Variants in CASQ2 observed in about 807,000 individuals in gnomAD.
CASQ2 encodes calsequestrin 2.
A neutral mutation model predicts 46.5 loss-of-function variants in CASQ2; 49 were observed. The observed-to-expected ratio is 1.05, with a 90% CI of 0.84 to 1.34. The LOEUF is 1.34. Ranked by LOEUF, CASQ2 falls within the 40% of genes most tolerant of loss-of-function variation. The pLI is 0.00. For missense variants in CASQ2, 486 were observed against 481.3 expected (o/e 1.01, Z -0.09); for synonymous variants, 174 against 168.5 (o/e 1.03, Z -0.25).
intron 7 of CASQ2, among the ~76,000 whole-genome samples, chr1:115,721,979 TG>T (rs1647392772): frequency 6.6e-6 from 1 of 152,252 alleles, no homozygotes; most frequent in Middle Eastern, 3.4e-3. Context: ...AGCAGTGACC[TG>T]CTAGGGGGCC....
intron 8 of CASQ2, among the ~76,000 whole-genome samples, chr1:115,710,782 G>A (rs575933354): frequency 6.6e-6 from 1 of 152,162 alleles, no homozygotes; most frequent in African/African-American, 2.4e-5. Flanking sequence ...CTCCTCTCCT[G>A]CCACTCAGGC....
chr1:115,718,319 G>C (rs1008608809), intron 7 of CASQ2, among the ~76,000 whole-genome samples: 2 of 152,204 alleles, frequency 1.3e-5, no homozygotes, highest in Admixed American at 1.3e-4. Context: ...GTCAGTCTCT[G>C]TTTCAAGAAT....
At chr1:115,729,170 C>T (rs907088873) in intron 5 of CASQ2, among the ~76,000 whole-genome samples, 3 of 151,376 alleles carry the variant, frequency 2.0e-5, no homozygotes, top group African/African-American at 7.3e-5. Flanking sequence ...CTGCCTCAGC[C>T]TCCCGAGTAG....
chr1:115,745,283 A>G (rs930169233), intron 1 of CASQ2, among the ~76,000 whole-genome samples: 3 of 152,158 alleles, frequency 2.0e-5, no homozygotes, highest in African/African-American at 7.2e-5. Context: ...CTAGCTGCCA[A>G]ATGTACCTGG....
intron 4 of CASQ2, among the ~76,000 whole-genome samples, chr1:115,737,125 A>G (rs1039545505): frequency 2.0e-5 from 3 of 152,204 alleles, no homozygotes; most frequent in Admixed American, 2.0e-4. Flanking sequence ...AGCACCCCAG[A>G]GTAGTCAGCA....
chr1:115,705,373 C>A, intron 8 of CASQ2, 81 bp from the exon 9 acceptor site: 1 of 897,668 alleles, frequency 1.1e-6, no homozygotes, highest in Admixed American at 1.9e-5. Flanking sequence ...GATTTTTCCA[C>A]GAGGACTTCT....
chr1:115,767,883 C>T (rs1649187785), intron 1 of CASQ2, among the ~76,000 whole-genome samples: 1 of 152,142 alleles, frequency 6.6e-6, no homozygotes, highest in African/African-American at 2.4e-5. Flanking sequence ...GGTCAAGTAA[C>T]TCTGGTCTCT....
At chr1:115,725,910 GA>G (rs372134535) in intron 6 of CASQ2, among the ~76,000 whole-genome samples, 29 of 152,320 alleles carry the variant, frequency 1.9e-4, no homozygotes, top group African/African-American at 6.7e-4. Context: ...AGCAGGCCTG[GA>G]ATGAGAAACC....
At chr1:115,751,893 T>C (rs569672583) in intron 1 of CASQ2, among the ~76,000 whole-genome samples, 40 of 152,242 alleles carry the variant, frequency 2.6e-4, no homozygotes, top group African/African-American at 8.4e-4. Context: ...TCCAGCCTCA[T>C]CTGGGGTCAC....
At chr1:115,723,905 T>C (rs1227026412) in intron 7 of CASQ2, among the ~76,000 whole-genome samples, 2 of 152,220 alleles carry the variant, frequency 1.3e-5, no homozygotes, top group Non-Finnish European at 2.9e-5. Context: ...TGTGCTGAGT[T>C]GTTATTAAAT....
At chr1:115,727,438 C>T (rs1055395259) in intron 5 of CASQ2, among the ~76,000 whole-genome samples, 3 of 152,118 alleles carry the variant, frequency 2.0e-5, no homozygotes, top group African/African-American at 7.2e-5. Flanking sequence ...CTGCATTTGC[C>T]AGGGCTGGAT....
chr1:115,740,933 G>C, intron 2 of CASQ2, 105 bp from the exon 3 acceptor site: 1 of 769,664 alleles, frequency 1.3e-6, no homozygotes, highest in African/African-American at 1.7e-5. Flanking sequence ...GTGGGGTCAG[G>C]ATTAGTGGAA....
intron 8 of CASQ2, among the ~76,000 whole-genome samples, chr1:115,712,833 G>A (rs1398137134): frequency 8.7e-5 from 12 of 137,476 alleles, no homozygotes; most frequent in Non-Finnish European, 1.5e-4. Flanking sequence ...TCCAGCCTGA[G>A]CAATAGAGGG....
chr1:115,737,924 T>A (rs565458146), intron 4 of CASQ2, among the ~76,000 whole-genome samples: 2 of 152,168 alleles, frequency 1.3e-5, no homozygotes, highest in Non-Finnish European at 2.9e-5. Context: ...TAGGGGAGAA[T>A]CCGACTGGGA....
In CASQ2 at chr1:115,766,946, TA is replaced by T. The variant is rs369332735; in HGVS notation, c.234+1361del. ...GGATGATAGAAAGATATTTCTTTTT[TA>T]AAAAAAATTAGAATCAGAAATGAAT... On this transcript the variant is annotated intron_variant, in intron 1 of 10. Coordinates refer to ENST00000261448, the MANE Select transcript of CASQ2 (RefSeq NM_001232.4). Among the ~76,000 whole-genome samples the T allele has an allele frequency of 5.6e-3, 853 of 151,716 alleles. 5 individuals carry two copies. The highest frequency in any genetic ancestry group is 0.015 in the Admixed American group (228 of 15,222).
chr1:115,723,475 TA>T (rs1647463739), intron 7 of CASQ2, among the ~76,000 whole-genome samples: 1 of 152,180 alleles, frequency 6.6e-6, no homozygotes, highest in African/African-American at 2.4e-5. Flanking sequence ...AAAAACAATT[TA>T]AAAAATACTA....
intron 6 of CASQ2, among the ~76,000 whole-genome samples, chr1:115,726,427 A>T (rs544775894): frequency 1.7e-4 from 26 of 152,236 alleles, no homozygotes; most frequent in Non-Finnish European, 3.5e-4. Flanking sequence ...TACAGACGCC[A>T]TCTGGCCCAC....
intron 8 of CASQ2, among the ~76,000 whole-genome samples, chr1:115,709,648 G>T (rs1654480304): frequency 6.6e-6 from 1 of 152,184 alleles, no homozygotes; most frequent in African/African-American, 2.4e-5. Flanking sequence ...CCAGGTAGAT[G>T]AATAGCCCTC....
At chr1:115,741,479 C>G (rs1648177953) in intron 2 of CASQ2, among the ~76,000 whole-genome samples, 1 of 152,182 alleles carries the variant, frequency 6.6e-6, no homozygotes, top group African/African-American at 2.4e-5. Flanking sequence ...CATTATTGAT[C>G]TTTGTTCAGC....
Sources: allele counts gnomAD v4.1 joint callset (sites outside exome capture counted in the v4.1 genomes callset), GRCh38; gene constraint gnomAD v4.1.1; transcripts MANE v1.5; gene names NCBI Gene and HGNC (gene_info 2026-07-23, HGNC 2026-07-21).